HHIP: variants seen among roughly 807,000 people sequenced by gnomAD.
The protein encoded by HHIP is hedgehog-interacting protein.
A neutral mutation model predicts 74.0 loss-of-function variants in HHIP; 12 were observed. That is an observed-to-expected ratio of 0.16 (90% CI 0.10 to 0.26). The LOEUF is 0.26. Ranked by LOEUF, HHIP falls within the 10% of genes least tolerant of loss-of-function variation. HHIP has a pLI of 1.00. For missense variants in HHIP, 788 were observed against 845.0 expected, an observed-to-expected ratio of 0.93 and a Z score of 0.84; for synonymous variants, 309 against 311.6, an observed-to-expected ratio of 0.99 and a Z score of 0.09.
chr4:144,667,107 G>A (rs1462488034), intron 4 of HHIP, among the ~76,000 whole-genome samples: 1 of 152,112 alleles, frequency 6.6e-6, no homozygotes, highest in Non-Finnish European at 1.5e-5. Context: ...CCAGCATTTT[G>A]GGAGGCTGAA....
chr4:144,688,178 T>C (rs941422038), intron 4 of HHIP, among the ~76,000 whole-genome samples: 6 of 152,080 alleles, frequency 3.9e-5, no homozygotes, highest in Admixed American at 6.6e-5. Context: ...CATAATAAAC[T>C]AACACTAAGT....
Position 144,734,856 on chromosome 4 carries a change from A to G in HHIP, c.1876A>G (p.Ser626Gly). The G allele has an allele frequency of 6.2e-7, 1 of 1,612,498 alleles. No individual in the cohort carries two copies. The highest frequency in any genetic ancestry group is 8.5e-7 in the Non-Finnish European group (1 of 1,178,730). ...CACCCCCACGGGAAAGTGCTGCTGCAGTCCAGGCTGGGAGGGGGACTTCTG... is the reference window on the plus strand; with the variant it reads ...CACCCCCACGGGAAAGTGCTGCTGCGGTCCAGGCTGGGAGGGGGACTTCTG... ...YCTPTGKCCCSPGWEGDFCRT... is the reference protein window; with the variant it reads ...YCTPTGKCCCGPGWEGDFCRT... The change falls in exon 12 of 13, where the codon AGT (serine) becomes GGT (glycine). Residue 626 changes from serine to glycine, a missense_variant. By Grantham distance (56) the Ser-to-Gly change is moderately conservative. Transcript: ENST00000296575.
chr4:144,675,839 A>G (rs1000533983), intron 4 of HHIP, among the ~76,000 whole-genome samples: 1 of 152,178 alleles, frequency 6.6e-6, no homozygotes, highest in African/African-American at 2.4e-5. Context: ...TATTTCCATA[A>G]TCTCTTTGGT....
At chr4:144,684,183 G>T (rs1188235861) in intron 4 of HHIP, among the ~76,000 whole-genome samples, 4 of 143,212 alleles carry the variant, frequency 2.8e-5, no homozygotes, top group African/African-American at 1.0e-4. Context: ...GACCATCCTG[G>T]CCAACATGAC....
intron 4 of HHIP, among the ~76,000 whole-genome samples, chr4:144,701,351 T>A (rs1227817906): frequency 6.7e-6 from 1 of 149,392 alleles, no homozygotes; most frequent in Admixed American, 6.7e-5. Context: ...AGTTTTAGAG[T>A]GGAGAAAGCT....
intron 7 of HHIP, among the ~76,000 whole-genome samples, chr4:144,711,573 A>G (rs981867677): frequency 2.0e-5 from 3 of 152,048 alleles, no homozygotes; most frequent in Non-Finnish European, 4.4e-5. Context: ...CCCACTTATG[A>G]GTAAGAACAG....
intron 7 of HHIP, among the ~76,000 whole-genome samples, chr4:144,710,767 T>C (rs964515608): frequency 6.6e-6 from 1 of 152,146 alleles, no homozygotes; most frequent in Admixed American, 6.6e-5. Context: ...CCAGAGATGC[T>C]GCTAAACACC....
chr4:144,660,148 C>G, intron 4 of HHIP: 1 of 411,158 alleles, frequency 2.4e-6, no homozygotes, highest in Non-Finnish European at 4.3e-6. Context: ...GGGCATAACA[C>G]AGGACTGTAC....
intron 4 of HHIP, among the ~76,000 whole-genome samples, chr4:144,671,075 C>A (rs1029683928): frequency 2.0e-5 from 3 of 152,164 alleles, no homozygotes; most frequent in East Asian, 1.9e-4. Flanking sequence ...ATCCTCTTAC[C>A]CTGTCTGTGA....
At chr4:144,727,281 C>T (rs756120020) in intron 11 of HHIP, among the ~76,000 whole-genome samples, 31 of 152,262 alleles carry the variant, frequency 2.0e-4, no homozygotes, top group Middle Eastern at 6.8e-3. Context: ...CTTCTTATAA[C>T]GGCAATAATC....
intron 4 of HHIP, among the ~76,000 whole-genome samples, chr4:144,679,806 A>T (rs771240168): frequency 6.6e-6 from 1 of 152,208 alleles, no homozygotes; most frequent in Non-Finnish European, 1.5e-5. Context: ...GTATTTCTTT[A>T]TACTTTGAAA....
intron 4 of HHIP, among the ~76,000 whole-genome samples, chr4:144,700,267 C>T (rs977368450): frequency 6.6e-6 from 1 of 152,118 alleles, no homozygotes; most frequent in Non-Finnish European, 1.5e-5. Context: ...TCCTTGTGAA[C>T]TTATATATGA....
At position 144,715,466 on chromosome 4, in the gene HHIP, C is replaced by T. The variant is rs1730423365; in HGVS notation, c.1678+36C>T. The T allele has an allele frequency of 2.5e-6, 4 of 1,585,142 alleles. No individual in the cohort carries two copies. The East Asian group carries it at 6.8e-5, about 27-fold the overall frequency. ...ATCTAGTTCTGTTAAGTTTCATTCT[C>T]ACTTCCTTTTTCAAGAGGCTTTGTT... On this transcript the variant is annotated intron_variant, in intron 10 of 12. Transcript: ENST00000296575.
chr4:144,708,028 C>A, intron 6 of HHIP, 140 bp from the exon 7 acceptor site: 1 of 846,950 alleles, frequency 1.2e-6, no homozygotes, highest in Non-Finnish European at 1.8e-6. Flanking sequence ...CAGACGTGAG[C>A]CACTGCATCC....
At chr4:144,707,799 G>T (rs1244365823) in intron 6 of HHIP, among the ~76,000 whole-genome samples, 7 of 151,994 alleles carry the variant, frequency 4.6e-5, no homozygotes, top group South Asian at 2.1e-4. Flanking sequence ...TTCAGACAAG[G>T]TCTCACTCTA....
chr4:144,740,762 C>T lies in HHIP; in HGVS notation c.*2805C>T, dbSNP rs963136443. 1.3e-5 allele frequency: 2 copies of T among 151,488 alleles called. No homozygotes were observed. The highest frequency in any genetic ancestry group is 6.6e-5 in the Admixed American group (1 of 15,178). The allele number at this position is 151,488 out of a possible 1,614,324, so 9.4% of individuals were successfully genotyped here. ...GTTCAGTTCATAAAGCACACAGTCT[C>T]GAATGGAAGAAAAAAAGGTCCTTCG... On this transcript the variant is annotated 3_prime_UTR_variant, in exon 13 of 13. Transcript: ENST00000296575.
chr4:144,721,195 CTA>C (rs1730623782), intron 11 of HHIP, among the ~76,000 whole-genome samples: 1 of 152,034 alleles, frequency 6.6e-6, no homozygotes, highest in Admixed American at 6.6e-5. Context: ...AAGCAGGAAA[CTA>C]TGAAATTTTT....
intron 11 of HHIP, among the ~76,000 whole-genome samples, chr4:144,729,597 C>T (rs548618156): frequency 2.6e-5 from 4 of 152,246 alleles, no homozygotes; most frequent in African/African-American, 9.6e-5. Context: ...AGGATTTTGA[C>T]TTATCAATTT....
Position 144,658,930 on chromosome 4 carries a change from G to C in HHIP, c.613G>C (p.Val205Leu). Reference sequence around the variant, plus strand: ...GGACCAGATGGAAGAATATGACAAAGTGGAAGAGATCAGCAGGTTCATAAA... The same window carrying C: ...GGACCAGATGGAAGAATATGACAAACTGGAAGAGATCAGCAGGTTCATAAA... ...YLDQMEEYDK[V>L]EEISRKHKHN... Residue 205 changes from valine (V) to leucine (L), a missense_variant, in exon 3 of 13, where the codon GTG becomes CTG. This residue lies in a region of HHIP where 373 missense variants were observed against 366.4 expected (regional missense o/e 1.02). Coordinates refer to ENST00000296575, the MANE Select transcript of HHIP (RefSeq NM_022475.3). 1.9e-6 allele frequency: 3 copies of C among 1,611,590 alleles called. No homozygotes were observed. The highest frequency in any genetic ancestry group is 1.7e-6 in the Non-Finnish European group (2 of 1,178,726).
Sources: allele counts gnomAD v4.1 joint callset (sites outside exome capture counted in the v4.1 genomes callset), GRCh38; gene constraint gnomAD v4.1.1; regional missense constraint gnomAD v4.1.1; transcripts MANE v1.5; gene names NCBI Gene and HGNC (gene_info 2026-07-23, HGNC 2026-07-21).